ATP10D: variants seen among roughly 807,000 people sequenced by gnomAD.
The protein encoded by ATP10D is phospholipid-transporting ATPase VD.
A neutral mutation model predicts 144.8 loss-of-function variants in ATP10D; 89 were observed. The ratio of observed to expected loss-of-function variants is 0.61; its 90% CI spans 0.52 to 0.73. ATP10D has a LOEUF of 0.73. Ranked by LOEUF, ATP10D falls within the 30% of genes least tolerant of loss-of-function variation. ATP10D has a pLI of 0.00. For synonymous variants in ATP10D, 571 were observed against 615.1 expected (o/e 0.93, Z 1.06); for missense variants, 1,603 against 1,714.8 (o/e 0.93, Z 1.15).
chr4:47,587,552 G>A (rs540655833), intron 22 of ATP10D, among the ~76,000 whole-genome samples: 7 of 150,574 alleles, frequency 4.6e-5, no homozygotes, highest in African/African-American at 1.0e-4. Flanking sequence ...GGTCCATTTC[G>A]TGCTGCCACA....
chr4:47,535,498 C>G lies in ATP10D; in HGVS notation c.777-11C>G, dbSNP rs769291789. 1 of 1,597,356 alleles carries G rather than the reference C, an allele frequency of 6.3e-7. No homozygotes were observed. Among genetic ancestry groups the G allele is most frequent in the Admixed American group, 1.8e-5 (1 of 56,622 alleles). On this transcript the variant is annotated splice_polypyrimidine_tract_variant and intron_variant, in intron 5 of 22. Transcript: ENST00000273859. ...GTTTAAAAGTGAATTTATATGCTGTCTTTCTTATAGAGAACATTCCAACAA... is the reference window on the plus strand; with the variant it reads ...GTTTAAAAGTGAATTTATATGCTGTGTTTCTTATAGAGAACATTCCAACAA...
In ATP10D at chr4:47,507,716, G is replaced by A. The variant is rs114048482; in HGVS notation, c.-37-4788G>A. Among the ~76,000 whole-genome samples the A allele has an allele frequency of 7.8e-3, 1,190 of 152,278 alleles. 19 individuals are homozygous for A. Among genetic ancestry groups the A allele is most frequent in the African/African-American group, 0.027 (1,103 of 41,558 alleles). On this transcript the variant is annotated intron_variant, in intron 1 of 22. Transcript: ENST00000273859. Reference sequence around the variant, plus strand: ...ATAGAGAGGAATTAGGTATGTTCCCGACTTTGAAGAATAAAGCCATCTGTA... The same window carrying A: ...ATAGAGAGGAATTAGGTATGTTCCCAACTTTGAAGAATAAAGCCATCTGTA...
At position 47,591,162 on chromosome 4, in the gene ATP10D, A is replaced by G. The variant is rs1407347965; in HGVS notation, c.4062A>G (p.Gly1354=). 1 of 1,613,620 alleles carries G rather than the reference A, an allele frequency of 6.2e-7. No homozygotes were observed. The highest frequency in any genetic ancestry group is 1.7e-5 in the Admixed American group (1 of 59,956). Reference sequence around the variant, plus strand: ...CTCTCAAGAAGTGGAGAGGGGCTGGAAAGATGAATCAAGTGACATCAAAGT... The same window carrying G: ...CTCTCAAGAAGTGGAGAGGGGCTGGGAAGATGAATCAAGTGACATCAAAGT... The part of the protein sequence containing the change: ...TKALKKWRGA[G]KMNQVTSKYA... The change falls in exon 23 of 23, where the codon GGA becomes GGG. Residue 1354 remains glycine, a synonymous_variant. Coordinates refer to ENST00000273859, the MANE Select transcript of ATP10D (RefSeq NM_020453.4).
In ATP10D at chr4:47,563,618, C is replaced by T. The variant is rs116428337; in HGVS notation, c.2706C>T (p.Val902=). 4.3e-4 allele frequency: 700 copies of T among 1,613,156 alleles called. 1 individual carries two copies. Among genetic ancestry groups the T allele is most frequent in the Non-Finnish European group, 5.6e-4 (659 of 1,179,694 alleles). The part of the protein sequence containing the change: ...TGIEDRLQEG[V]PESIEALHKA... ...TTGAAGACCGTCTGCAGGAGGGAGT[C>T]CCTGAATCTATAGAAGCTCTTCACA... The change falls in exon 15 of 23, where the codon GTC becomes GTT. Residue 902 remains valine, a synonymous_variant. Transcript: ENST00000273859.
Position 47,557,853 on chromosome 4 carries a change from G to A in ATP10D, c.2014G>A (p.Val672Met), listed in dbSNP as rs1404114541. ...LFSRMKPASP[V>M]EEEVSQVCES... ...TAGTCGAATGAAACCAGCTTCACCT[G>A]TGGAGGAAGAGGTCTCCCAGGTGTG... Residue 672 changes from valine (V) to methionine (M), a missense_variant, in exon 12 of 23, where the codon GTG becomes ATG. Physicochemically the swap from Val to Met is conservative, Grantham distance 21 (BLOSUM62 1). Coordinates refer to ENST00000273859, the MANE Select transcript of ATP10D (RefSeq NM_020453.4). 1.2e-6 allele frequency: 2 copies of A among 1,614,216 alleles called. No individual in the cohort carries two copies. The highest frequency in any genetic ancestry group is 1.7e-6 in the Non-Finnish European group (2 of 1,180,044).
At chr4:47,520,173 G>C (rs553238892) in intron 3 of ATP10D, among the ~76,000 whole-genome samples, 7 of 152,292 alleles carry the variant, frequency 4.6e-5, no homozygotes, top group African/African-American at 1.7e-4. Flanking sequence ...GCCTTCACGA[G>C]TTCTCAGCAA....
intron 10 of ATP10D, among the ~76,000 whole-genome samples, chr4:47,549,767 C>T (rs1436582845): frequency 6.6e-5 from 10 of 152,094 alleles, no homozygotes; most frequent in Non-Finnish European, 8.8e-5. Context: ...AAAGGCTGCC[C>T]GGAAGAGCTA....
At chr4:47,572,844 T>C in intron 17 of ATP10D, 28 bp from the exon 18 acceptor site, 1 of 1,613,958 alleles carries the variant, frequency 6.2e-7, no homozygotes, top group Non-Finnish European at 8.5e-7. Context: ...TCACTCAGGA[T>C]GGCATTCTCT....
chr4:47,554,592 T>C (rs1718883051), intron 10 of ATP10D, 134 bp from the exon 11 acceptor site: 1 of 666,520 alleles, frequency 1.5e-6, no homozygotes, highest in African/African-American at 1.8e-5. Flanking sequence ...TACATTACAA[T>C]TGTTTTTAGA....
intron 5 of ATP10D, among the ~76,000 whole-genome samples, chr4:47,533,253 T>C (rs1180643507): frequency 1.3e-5 from 2 of 152,138 alleles, no homozygotes; most frequent in African/African-American, 4.8e-5. Flanking sequence ...TTGGGAATGC[T>C]AATATGCAAA....
chr4:47,510,900 T>TA (rs1238731345), intron 1 of ATP10D, among the ~76,000 whole-genome samples: 1 of 152,214 alleles, frequency 6.6e-6, no homozygotes. Flanking sequence ...TTCAACCTTT[T>TA]AAAAAAAGTC....
chr4:47,546,963 C>A, intron 10 of ATP10D, 101 bp downstream of exon 10: 3 of 1,130,786 alleles, frequency 2.7e-6, no homozygotes, highest in Non-Finnish European at 3.9e-6. Context: ...TCTTTTCTAC[C>A]TTAGAAGAGA....
At chr4:47,563,443 T>C (rs1217189492) in intron 14 of ATP10D, 138 bp from the exon 15 acceptor site, 3 of 655,848 alleles carry the variant, frequency 4.6e-6, no homozygotes, top group African/African-American at 3.7e-5. Flanking sequence ...CAAACCTCCT[T>C]TGACTCTCCT....
intron 10 of ATP10D, among the ~76,000 whole-genome samples, chr4:47,550,690 C>A (rs2109439930): frequency 6.6e-6 from 1 of 152,254 alleles, no homozygotes; most frequent in African/African-American, 2.4e-5. Flanking sequence ...GGAAGAGAAC[C>A]ATGGAACCCC....
At chr4:47,500,520 T>C (rs1188101424) in intron 1 of ATP10D, among the ~76,000 whole-genome samples, 3 of 152,184 alleles carry the variant, frequency 2.0e-5, no homozygotes, top group Non-Finnish European at 4.4e-5. Context: ...GTCAACAGAA[T>C]TTGCGGACTG....
At chr4:47,534,809 A>G (rs1303072701) in intron 5 of ATP10D, among the ~76,000 whole-genome samples, 1 of 152,180 alleles carries the variant, frequency 6.6e-6, no homozygotes, top group Non-Finnish European at 1.5e-5. Flanking sequence ...GAAGTTGTCA[A>G]ACAATGACTA....
chr4:47,558,403 A>G (rs904810819), intron 12 of ATP10D, 130 bp downstream of exon 12: 111 of 1,287,042 alleles, frequency 8.6e-5, no homozygotes, highest in Non-Finnish European at 1.1e-5. Flanking sequence ...AGTAGGGGGA[A>G]GCTGCCTAGG....
chr4:47,534,122 G>A (rs1360498330), intron 5 of ATP10D, among the ~76,000 whole-genome samples: 1 of 152,100 alleles, frequency 6.6e-6, no homozygotes, highest in Non-Finnish European at 1.5e-5. Flanking sequence ...GAGTCATTGA[G>A]CTTACAGAAT....
chr4:47,561,132 C>A, intron 14 of ATP10D, 57 bp downstream of exon 14: 1 of 1,595,336 alleles, frequency 6.3e-7, no homozygotes, highest in East Asian at 2.2e-5. Context: ...CACTGGATAT[C>A]TTTGAATAAG....
Sources: gnomAD v4.1 joint callset for allele counts (sites outside exome capture counted in the v4.1 genomes callset) on GRCh38, gnomAD v4.1.1 for gene constraint, MANE v1.5 for transcripts, NCBI Gene and HGNC (gene_info 2026-07-23, HGNC 2026-07-21) for gene names.